HENMT1: variants seen among roughly 807,000 people sequenced by gnomAD.
The protein encoded by HENMT1 is HEN methyltransferase 1, also known as small RNA 2'-O-methyltransferase.
HENMT1 carries 27 observed loss-of-function variants against 31.1 expected under a neutral mutation model. That is an observed-to-expected ratio of 0.87 (90% CI 0.64 to 1.20). The LOEUF is 1.20. HENMT1 is among the 50% of genes most tolerant of loss of function. HENMT1 has a pLI of 0.00. For missense variants in HENMT1, 438 were observed against 469.6 expected, an observed-to-expected ratio of 0.93 and a Z score of 0.62; for synonymous variants, 167 against 172.2, an observed-to-expected ratio of 0.97 and a Z score of 0.24.
upstream of HENMT1, chr1:108,661,427 G>GC (rs1658481929): frequency 6.6e-6 from 1 of 152,324 alleles, no homozygotes. Flanking sequence ...GTTGGCGAAG[G>GC]CCCCCAACTC....
At chr1:108,650,421 C>G in intron 6 of HENMT1, 33 bp from the exon 7 acceptor site, 1 of 1,584,890 alleles carries the variant, frequency 6.3e-7, no homozygotes, top group East Asian at 2.2e-5. Context: ...AATCATTTTT[C>G]TAAATGTAGA....
At chr1:108,651,840 T>A (rs1029326539) in intron 5 of HENMT1, among the ~76,000 whole-genome samples, 4 of 152,104 alleles carry the variant, frequency 2.6e-5, no homozygotes, top group Non-Finnish European at 4.4e-5. Flanking sequence ...GGCTCCCTTA[T>A]CCAACCAAGG....
Position 108,658,131 on chromosome 1 carries a change from A to ATT in HENMT1, c.22-553_22-552insAA, listed in dbSNP as rs1237274632. On this transcript the variant is annotated intron_variant, in intron 2 of 7. Coordinates refer to ENST00000651461, the MANE Select transcript of HENMT1 (RefSeq NM_001102592.2). ...CACACACACACACATATATATATAT[A>ATT]TATTTTTTTTTTCCCCCCAAGACGG... Among the ~76,000 whole-genome samples the ATT allele has an allele frequency of 1.4e-4, 20 of 142,288 alleles. No homozygotes were observed. The East Asian group carries it at 2.0e-3, about 14-fold the overall frequency. The allele number at this position is 142,288 out of a possible 152,430, so 93.3% of individuals were successfully genotyped here. A position where few individuals can be genotyped will look rare whatever the true frequency, so the allele number is the denominator to read the frequency against.
In HENMT1 at chr1:108,648,598, G is replaced by A. The variant is rs761031368; in HGVS notation, c.1150C>T (p.Arg384Cys). 2.4e-5 allele frequency: 38 copies of A among 1,613,612 alleles called. No individual in the cohort carries two copies. In the Middle Eastern group the frequency reaches 4.9e-4, roughly 21 times the overall value. Residue 384 changes from arginine to cysteine, a missense_variant, in exon 8 of 8, where the codon CGT becomes TGT. Arg to Cys is a radical substitution (Grantham distance 180). Transcript: ENST00000651461. ...TCAAACTGTTCATCAAAATAATTAC[G>A]CAGGTCAGCCACCACTGCAGAACCA... ...SDGSAVVADL[R>C]NYFDEQFEF
At chr1:108,655,277 T>C (rs550284768) in intron 4 of HENMT1, among the ~76,000 whole-genome samples, 75 of 152,320 alleles carry the variant, frequency 4.9e-4, no homozygotes, top group African/African-American at 1.7e-3. Flanking sequence ...CTCAGTGTTC[T>C]GGGGCATTTT....
chr1:108,653,349 T>C (rs1236122110), intron 5 of HENMT1, among the ~76,000 whole-genome samples: 1 of 152,316 alleles, frequency 6.6e-6, no homozygotes, highest in East Asian at 1.9e-4. Flanking sequence ...ATTCATCTAC[T>C]GATGGACATT....
At position 108,648,428 on chromosome 1, in the gene HENMT1, T is replaced by C; in HGVS notation, c.*138A>G. On this transcript the variant is annotated 3_prime_UTR_variant, in exon 8 of 8. Transcript: ENST00000651461. Reference sequence around the variant, plus strand: ...AGTCTGGCCATATCTCAAGCAGGTCTGTCCAATGGCTTGGAACATAGACTT... The same window carrying C: ...AGTCTGGCCATATCTCAAGCAGGTCCGTCCAATGGCTTGGAACATAGACTT... The C allele has an allele frequency of 1.4e-6, 1 of 717,732 alleles. No individual in the cohort carries two copies. The highest frequency in any genetic ancestry group is 2.3e-6 in the Non-Finnish European group (1 of 442,490). The allele number at this position is 717,732 out of a possible 1,614,324, so 44.5% of individuals were successfully genotyped here.
At position 108,655,675 on chromosome 1, in the gene HENMT1, ATC is replaced by A; in HGVS notation, c.172_173del (p.Asp58TyrfsTer14). 8 of 1,611,540 alleles carry A rather than the reference ATC, an allele frequency of 5.0e-6. No individual in the cohort carries two copies. The highest frequency in any genetic ancestry group is 6.8e-6 in the Non-Finnish European group (8 of 1,178,588). On this transcript the variant is annotated frameshift_variant, in exon 4 of 8. Coordinates refer to ENST00000651461, the MANE Select transcript of HENMT1 (RefSeq NM_001102592.2). LOFTEE classifies it high-confidence loss of function. ...PKKVADLGCG[D>X]TSLLRLLKVN... ...CTTTTAGCAGCCTTAAGAGTGAAGT[ATC>A]ACCACATCCCAGGTCTGCAACCTGT...
chr1:108,659,361 C>CT (rs1359521565), intron 2 of HENMT1, among the ~76,000 whole-genome samples: 1 of 150,960 alleles, frequency 6.6e-6, no homozygotes, highest in Non-Finnish European at 1.5e-5. Flanking sequence ...AAGACCCTGT[C>CT]TTAAAAAAAA....
intron 7 of HENMT1, chr1:108,649,883 G>A (rs1175376244): frequency 1.0e-5 from 4 of 391,844 alleles, no homozygotes; most frequent in African/African-American, 8.3e-5. Context: ...CGAACTCCTG[G>A]GTTCAAGCAA....
At position 108,648,753 on chromosome 1, in the gene HENMT1, G is replaced by C. The variant is rs746207468; in HGVS notation, c.995C>G (p.Pro332Arg). The C allele has an allele frequency of 6.2e-7, 1 of 1,614,144 alleles. No homozygotes were observed. Among genetic ancestry groups the C allele is most frequent in the Admixed American group, 1.7e-5 (1 of 60,018 alleles). Reference sequence around the variant, plus strand: ...GAAAAATTTATCTCCAACACAGAAGGGTGTGGGAGAGTTCTCTATCTTGGC... The same window carrying C: ...GAAAAATTTATCTCCAACACAGAAGCGTGTGGGAGAGTTCTCTATCTTGGC... ...EKAKIENSPTPFCVGDKFFVP... is the reference protein window; with the variant it reads ...EKAKIENSPTRFCVGDKFFVP... Residue 332 changes from proline to arginine, a missense_variant, in exon 8 of 8, where the codon CCC becomes CGC. Coordinates refer to ENST00000651461, the MANE Select transcript of HENMT1 (RefSeq NM_001102592.2).
intron 1 of HENMT1, 88 bp from the exon 2 acceptor site, chr1:108,660,050 T>G (rs1658396390): frequency 1.7e-6 from 1 of 590,698 alleles, no homozygotes; most frequent in Non-Finnish European, 2.8e-6. Context: ...AGCCTCTTTC[T>G]TACTCCTTAC....
chr1:108,654,672 C>A lies in HENMT1; in HGVS notation c.398+44G>T, dbSNP rs755028248. ...CTAAGATCACTGAGACTTATTCAGG[C>A]TTTTCAAATGAACAGTTATACAGTG... On this transcript the variant is annotated intron_variant, in intron 5 of 7. Transcript: ENST00000651461. 2.2e-5 allele frequency: 35 copies of A among 1,587,812 alleles called. No individual in the cohort carries two copies. The South Asian group carries it at 3.3e-4, about 15-fold the overall frequency.
At position 108,660,978 on chromosome 1, in the gene HENMT1, T is replaced by C; in HGVS notation, c.-94A>G. On this transcript the variant is annotated 5_prime_UTR_variant, in exon 1 of 8. Coordinates refer to ENST00000651461, the MANE Select transcript of HENMT1 (RefSeq NM_001102592.2). ...CCCTGCTCACTGAAACCAACGCTTC[T>C]GTCTTTGTACGGGCCGTCGCTTCCA... The C allele has an allele frequency of 1.0e-6, 1 of 984,712 alleles. No homozygotes were observed. The highest frequency in any genetic ancestry group is 6.2e-5 in the Admixed American group (1 of 16,234). The allele number at this position is 984,712 out of a possible 1,614,324, so 61.0% of individuals were successfully genotyped here. A position where few individuals can be genotyped will look rare whatever the true frequency, so the allele number is the denominator to read the frequency against.
In HENMT1 at chr1:108,661,048, G is replaced by A. The variant is rs1658452720; in HGVS notation, c.-164C>T. 2 of 977,386 alleles carry A rather than the reference G, an allele frequency of 2.0e-6. No homozygotes were observed. The highest frequency in any genetic ancestry group is 1.1e-4 in the East Asian group (1 of 8,778). 60.5% of individuals were successfully genotyped at this position (977,386 alleles called of 1,614,324 possible). A position where few individuals can be genotyped will look rare whatever the true frequency, so the allele number is the denominator to read the frequency against. On this transcript the variant is annotated 5_prime_UTR_variant, in exon 1 of 8. It adds an upstream start codon to the 5' untranslated region. Coordinates refer to ENST00000651461, the MANE Select transcript of HENMT1 (RefSeq NM_001102592.2). ...ATGCCCAACCGAAAAAACAAAGCTC[G>A]TCGCGGAGCCGCCAGCGTCCTCAAC...
At position 108,651,081 on chromosome 1, in the gene HENMT1, A is replaced by G. The variant is rs764803197; in HGVS notation, c.527T>C (p.Leu176Ser). 3 of 1,613,890 alleles carry G rather than the reference A, an allele frequency of 1.9e-6. No homozygotes were observed. The highest frequency in any genetic ancestry group is 2.5e-6 in the Non-Finnish European group (3 of 1,179,760). The change falls in exon 6 of 8, where the codon TTA (leucine) becomes TCA (serine). Residue 176 changes from leucine (L) to serine (S), a missense_variant. By Grantham distance (145) the Leu-to-Ser change is moderately radical (BLOSUM62 -2). Transcript: ENST00000651461. ...EFNPLFPSVT[L>S]RDSDHKFEWT... ...CTCAAATTTATGATCTGAATCTCTTAAGGTCACTGATGGAAACAGGGGATT... is the reference window on the plus strand; with the variant it reads ...CTCAAATTTATGATCTGAATCTCTTGAGGTCACTGATGGAAACAGGGGATT...
rs1657949033 is a variant in HENMT1, at chr1:108,648,661, T to G, written c.1087A>C (p.Arg363=). Residue 363 remains arginine, a synonymous_variant, in exon 8 of 8, where the codon AGA becomes CGA. Transcript: ENST00000651461. ...GGAATTGAGTCAGCAATGACTGATC[T>G]CATCATCTCTTCATTAGCACATAAG... ...NRLCANEEMM[R]SVIADSIPLS... is the part of the protein sequence containing the mutation. The G allele has an allele frequency of 1.2e-6, 2 of 1,614,052 alleles. No individual in the cohort carries two copies. Among genetic ancestry groups the G allele is most frequent in the East Asian group, 4.5e-5 (2 of 44,902 alleles).
chr1:108,661,056 G>C lies in HENMT1; in HGVS notation c.-172C>G. 1.0e-5 allele frequency: 10 copies of C among 965,914 alleles called. No homozygotes were observed. The highest frequency in any genetic ancestry group is 1.2e-5 in the Non-Finnish European group (10 of 812,262). 59.8% of individuals were successfully genotyped at this position (965,914 alleles called of 1,614,324 possible). A position where few individuals can be genotyped will look rare whatever the true frequency, so the allele number is the denominator to read the frequency against. ...CCGAAAAAACAAAGCTCGTCGCGGA[G>C]CCGCCAGCGTCCTCAACTCAGCGCC... On this transcript the variant is annotated 5_prime_UTR_variant, in exon 1 of 8. Coordinates refer to ENST00000651461, the MANE Select transcript of HENMT1 (RefSeq NM_001102592.2).
chr1:108,660,252 T>C (rs754931887), intron 1 of HENMT1, among the ~76,000 whole-genome samples: 6 of 152,132 alleles, frequency 3.9e-5, no homozygotes, highest in Non-Finnish European at 8.8e-5. Context: ...ATGTATCCAG[T>C]ATTTTTTCAG....
Sources: gnomAD v4.1 joint callset for allele counts (sites outside exome capture counted in the v4.1 genomes callset) on GRCh38, gnomAD v4.1.1 for gene constraint, MANE v1.5 for transcripts, NCBI Gene and HGNC (gene_info 2026-07-23, HGNC 2026-07-21) for gene names.